Variants in PTPRD observed in about 807,000 individuals in gnomAD.
PTPRD encodes protein tyrosine phosphatase receptor type D, also known as receptor-type tyrosine-protein phosphatase delta.
Under a neutral mutation model 214.5 loss-of-function variants are expected in PTPRD, and 34 were observed. The ratio of observed to expected loss-of-function variants is 0.16; its 90% CI spans 0.12 to 0.21. The LOEUF (loss-of-function observed/expected upper bound fraction) is 0.21, where lower values mean the gene tolerates loss of function less well. PTPRD is among the 10% of genes least tolerant of loss of function. PTPRD has a pLI of 1.00. For synonymous variants in PTPRD, 1,128 were observed against 845.7 expected (o/e 1.33, Z -5.79); for missense variants, 2,545 against 2,398.7 (o/e 1.06, Z -1.27).
At chr9:9,067,432 T>TGTGTGTG (rs1274155651) in intron 10 of PTPRD, among the ~76,000 whole-genome samples, 2 of 152,212 alleles carry the variant, frequency 1.3e-5, no homozygotes, top group Non-Finnish European at 2.9e-5. Context: ...TTTTTCACAT[T>TGTGTGTG]GTGTGTGTCA....
intron 9 of PTPRD, among the ~76,000 whole-genome samples, chr9:9,362,937 G>A (rs922964479): frequency 2.6e-5 from 4 of 151,168 alleles, no homozygotes; most frequent in South Asian, 2.1e-4. Flanking sequence ...GTGGTGGAAC[G>A]TAGATTCTTG....
At chr9:9,210,138 A>G (rs562897522) in intron 9 of PTPRD, among the ~76,000 whole-genome samples, 1 of 152,298 alleles carries the variant, frequency 6.6e-6, no homozygotes, top group African/African-American at 2.4e-5. Flanking sequence ...AACAATTTCT[A>G]TCCTCCAAAG....
intron 7 of PTPRD, among the ~76,000 whole-genome samples, chr9:9,658,138 A>G (rs2096556508): frequency 1.3e-5 from 2 of 152,164 alleles, no homozygotes; most frequent in African/African-American, 4.8e-5. Flanking sequence ...TGTCAGCATT[A>G]TCTAAATGGA....
intron 9 of PTPRD, among the ~76,000 whole-genome samples, chr9:9,261,657 TG>T (rs2099980170): frequency 6.6e-6 from 1 of 151,370 alleles, no homozygotes; most frequent in Non-Finnish European, 1.5e-5. Context: ...CGTGTGTGTG[TG>T]TGTGTGTGTG....
At chr9:10,092,558 A>G (rs917325736) in intron 3 of PTPRD, among the ~76,000 whole-genome samples, 2 of 151,452 alleles carry the variant, frequency 1.3e-5, no homozygotes, top group Non-Finnish European at 3.0e-5. Context: ...AAAATATTAC[A>G]TTATTCCTTT....
In PTPRD at chr9:8,607,373, G is replaced by A. The variant is rs562872388; in HGVS notation, c.352+25944C>T. On this transcript the variant is annotated intron_variant, in intron 14 of 45. Coordinates refer to ENST00000381196, the MANE Select transcript of PTPRD (RefSeq NM_002839.4). ...AATAAGTAGGAATAGGGCCGGGTGC[G>A]GTGCCGCATGCCTGTAATCCCAACA... Among the ~76,000 whole-genome samples, 62 of 152,252 alleles carry A rather than the reference G, an allele frequency of 4.1e-4. No homozygotes were observed. In the South Asian group the frequency reaches 9.8e-3, roughly 24 times the overall value.
chr9:9,658,121 A>G (rs954156333), intron 7 of PTPRD, among the ~76,000 whole-genome samples: 1 of 152,060 alleles, frequency 6.6e-6, no homozygotes, highest in Non-Finnish European at 1.5e-5. Context: ...TTATTTAATG[A>G]GAGTAATGTC....
chr9:10,280,467 T>C (rs1030982296), intron 3 of PTPRD, among the ~76,000 whole-genome samples: 2 of 152,008 alleles, frequency 1.3e-5, no homozygotes, highest in African/African-American at 4.8e-5. Context: ...GTAATAAAGA[T>C]GAGTTCAGAA....
At chr9:9,576,490 C>T (rs976656355) in intron 7 of PTPRD, among the ~76,000 whole-genome samples, 2 of 132,970 alleles carry the variant, frequency 1.5e-5, no homozygotes, top group African/African-American at 5.9e-5. Context: ...TCCTTATTGA[C>T]ATTTGTGAAA....
chr9:9,208,307 C>A (rs2099946300), intron 9 of PTPRD, among the ~76,000 whole-genome samples: 1 of 151,640 alleles, frequency 6.6e-6, no homozygotes, highest in Non-Finnish European at 1.5e-5. Flanking sequence ...AGCCACCAAG[C>A]CCCGCCATCT....
At chr9:10,052,374 A>T (rs1192627307) in intron 3 of PTPRD, among the ~76,000 whole-genome samples, 5 of 152,174 alleles carry the variant, frequency 3.3e-5, no homozygotes, top group Admixed American at 6.6e-5. Flanking sequence ...GAAGCAGCAC[A>T]GGAGGGAGAT....
intron 3 of PTPRD, among the ~76,000 whole-genome samples, chr9:10,177,308 C>G (rs1013883752): frequency 6.6e-6 from 1 of 151,382 alleles, no homozygotes; most frequent in Non-Finnish European, 1.5e-5. Context: ...ATTGAAGATG[C>G]CTAATAAATC....
intron 2 of PTPRD, among the ~76,000 whole-genome samples, chr9:10,379,402 T>C (rs1024818640): frequency 5.9e-5 from 9 of 152,086 alleles, no homozygotes; most frequent in Middle Eastern, 3.4e-3. Context: ...CTGTATTATG[T>C]TGAGTAACAA....
chr9:8,659,146 G>C (rs1208067597), intron 12 of PTPRD, among the ~76,000 whole-genome samples: 2 of 152,126 alleles, frequency 1.3e-5, no homozygotes, highest in Non-Finnish European at 2.9e-5. Context: ...CTGAATGAGA[G>C]GGGCATGATA....
intron 10 of PTPRD, among the ~76,000 whole-genome samples, chr9:9,062,467 C>T (rs944198421): frequency 1.2e-4 from 18 of 152,088 alleles, no homozygotes; most frequent in African/African-American, 4.3e-4. Flanking sequence ...CACAAGTTTT[C>T]CTTGTATCCC....
Position 8,809,579 on chromosome 9 carries a change from G to C in PTPRD, c.-103-75633C>G, listed in dbSNP as rs79715438. The stretch of plus-strand genomic sequence containing the variant: ...ACTTCTTAAAGATTTAGTCCTCAAA[G>C]ATATTATTATGAAATAGATGTTGCC... On this transcript the variant is annotated intron_variant, in intron 11 of 45. Transcript: ENST00000381196. Among the ~76,000 whole-genome samples, 756 of 152,276 alleles carry C rather than the reference G, an allele frequency of 5.0e-3. 20 individuals carry two copies. The highest frequency in any genetic ancestry group is 0.036 in the East Asian group (186 of 5,178).
At chr9:8,549,740 T>C (rs767342602) in intron 14 of PTPRD, among the ~76,000 whole-genome samples, 1 of 152,152 alleles carries the variant, frequency 6.6e-6, no homozygotes, top group South Asian at 2.1e-4. Flanking sequence ...ATAAAATTAT[T>C]CAAATTGTAA....
chr9:8,389,426 T>TA lies in PTPRD; in HGVS notation c.4211-20dup, dbSNP rs761857691. The TA allele has an allele frequency of 2.3e-5, 36 of 1,596,574 alleles. No homozygotes were observed. The highest frequency in any genetic ancestry group is 5.1e-5 in the Admixed American group (3 of 58,570). On this transcript the variant is annotated intron_variant, in intron 36 of 45. Coordinates refer to ENST00000381196, the MANE Select transcript of PTPRD (RefSeq NM_002839.4). ...GGGATCCCTGGAAAACAAGGAGTGT[T>TA]ATTCAACCAGGTGAGCACATCACAA... is the stretch of plus-strand genomic sequence containing the variant.
intron 3 of PTPRD, among the ~76,000 whole-genome samples, chr9:10,106,832 G>T (rs752657233): frequency 6.6e-6 from 1 of 151,954 alleles, no homozygotes; most frequent in African/African-American, 2.4e-5. Flanking sequence ...ATGTCTATAT[G>T]TTTCATTGAA....
Sources: allele counts gnomAD v4.1 joint callset (sites outside exome capture counted in the v4.1 genomes callset), GRCh38; gene constraint gnomAD v4.1.1; transcripts MANE v1.5; gene names NCBI Gene and HGNC (gene_info 2026-07-23, HGNC 2026-07-21).